ATP2C2: variants seen among roughly 807,000 people sequenced by gnomAD.
ATP2C2 encodes calcium-transporting ATPase type 2C member 2.
A neutral mutation model predicts 110.8 loss-of-function variants in ATP2C2; 171 were observed. The ratio of observed to expected loss-of-function variants is 1.54; its 90% CI spans 1.36 to 1.75. ATP2C2 has a LOEUF of 1.75. ATP2C2 is among the 40% of genes most tolerant of loss of function. The pLI is 0.00. For missense variants in ATP2C2, 1,963 were observed against 1,235.0 expected (o/e 1.59, Z -8.84); for synonymous variants, 804 against 508.4 (o/e 1.58, Z -7.82).
At chr16:84,448,923 C>G (rs892272508) in intron 17 of ATP2C2, among the ~76,000 whole-genome samples, 31 of 152,222 alleles carry the variant, frequency 2.0e-4, no homozygotes, top group African/African-American at 6.3e-4. Context: ...GGTACCCTCC[C>G]TTGCTGAGTT....
intron 11 of ATP2C2, among the ~76,000 whole-genome samples, chr16:84,438,715 T>C (rs1443882528): frequency 1.3e-5 from 2 of 152,056 alleles, no homozygotes; most frequent in Admixed American, 1.3e-4. Flanking sequence ...GGCTTCCTCA[T>C]AGGAAGTGTC....
intron 4 of ATP2C2, among the ~76,000 whole-genome samples, chr16:84,409,469 A>C (rs1229648737): frequency 2.0e-5 from 3 of 152,186 alleles, no homozygotes; most frequent in Non-Finnish European, 4.4e-5. Context: ...AAATGGATTC[A>C]GACAATACAT....
At chr16:84,446,667 C>T (rs247892) in intron 16 of ATP2C2, among the ~76,000 whole-genome samples, 108,780 of 152,084 alleles carry the variant, frequency 0.72, 39,501 homozygotes, top group East Asian at 0.92. Context: ...GCGGTTGTTA[C>T]CACGCGAGAC....
chr16:84,455,118 G>C (rs1048435605), intron 21 of ATP2C2, 134 bp downstream of exon 21: 9 of 1,201,280 alleles, frequency 7.5e-6, no homozygotes, highest in South Asian at 1.4e-5. Context: ...CTCGGGGCTC[G>C]TCAGTGTGGC....
chr16:84,386,265 G>A (rs1232470474), intron 1 of ATP2C2, among the ~76,000 whole-genome samples: 2 of 152,122 alleles, frequency 1.3e-5, no homozygotes, highest in East Asian at 3.9e-4. Context: ...GGGTGTAAGT[G>A]TGCATATGCT....
intron 1 of ATP2C2, among the ~76,000 whole-genome samples, chr16:84,394,330 A>G (rs1320896573): frequency 2.0e-5 from 3 of 152,244 alleles, no homozygotes; most frequent in African/African-American, 7.2e-5. Context: ...CATTTGAAAG[A>G]AACCCTGTAC....
At chr16:84,381,943 C>T (rs574702400) in intron 1 of ATP2C2, among the ~76,000 whole-genome samples, 2 of 152,310 alleles carry the variant, frequency 1.3e-5, no homozygotes, top group South Asian at 4.1e-4. Flanking sequence ...ATTCTAAGCT[C>T]GAGTCCCCTG....
chr16:84,431,248 C>T (rs1908251111), intron 11 of ATP2C2, among the ~76,000 whole-genome samples: 1 of 152,070 alleles, frequency 6.6e-6, no homozygotes, highest in Non-Finnish European at 1.5e-5. Context: ...CCTGTAATCA[C>T]AGCACTTTGG....
At chr16:84,463,152 CA>C (rs1054327691) in intron 26 of ATP2C2, among the ~76,000 whole-genome samples, 1 of 152,194 alleles carries the variant, frequency 6.6e-6, no homozygotes, top group African/African-American at 2.4e-5. Flanking sequence ...GATGGTTCCT[CA>C]AAACAGCATG....
chr16:84,451,067 C>T (rs1344009934), intron 17 of ATP2C2, among the ~76,000 whole-genome samples: 2 of 151,990 alleles, frequency 1.3e-5, no homozygotes, highest in African/African-American at 2.4e-5. Flanking sequence ...AGGTAATTTA[C>T]AAAGAAAAAG....
intron 3 of ATP2C2, among the ~76,000 whole-genome samples, chr16:84,406,082 C>T (rs1391562782): frequency 6.6e-6 from 1 of 152,190 alleles, no homozygotes; most frequent in Non-Finnish European, 1.5e-5. Flanking sequence ...AACCTGAGCC[C>T]AAAGTCACAT....
At chr16:84,410,970 G>A (rs1034952808) in intron 6 of ATP2C2, 14 of 599,592 alleles carry the variant, frequency 2.3e-5, no homozygotes, top group Non-Finnish European at 3.6e-5. Context: ...CTGGGCCTCA[G>A]CTCCATCATC....
chr16:84,371,300 T>G (rs1909940473), intron 1 of ATP2C2, among the ~76,000 whole-genome samples: 1 of 152,192 alleles, frequency 6.6e-6, no homozygotes, highest in South Asian at 2.1e-4. Flanking sequence ...GAGGGTCACT[T>G]GAACCCCAGA....
chr16:84,440,884 G>C lies in ATP2C2; in HGVS notation c.1237G>C (p.Gly413Arg). 1 of 1,613,570 alleles carries C rather than the reference G, an allele frequency of 6.2e-7. No homozygotes were observed. The highest frequency in any genetic ancestry group is 1.1e-5 in the South Asian group (1 of 90,688). The change falls in exon 14 of 27, where the codon GGG (glycine) becomes CGG (arginine). Residue 413 changes from glycine (G) to arginine (R), a missense_variant. By Grantham distance (125) the Gly-to-Arg change is moderately radical. Transcript: ENST00000262429. ...EVSGVGYDGQGTVCLLPSKEV... is the reference protein window; with the variant it reads ...EVSGVGYDGQRTVCLLPSKEV... The stretch of plus-strand genomic sequence containing the variant: ...CAGCGGAGTTGGGTATGACGGTCAA[G>C]GGACTGTGTGTCTTCTACCATCCAA...
chr16:84,411,493 G>T (rs529912508), intron 6 of ATP2C2, among the ~76,000 whole-genome samples: 1 of 152,182 alleles, frequency 6.6e-6, no homozygotes, highest in African/African-American at 2.4e-5. Context: ...CCAGGCTGGA[G>T]TGCAGTGGCA....
Position 84,462,029 on chromosome 16 carries a change from G to A in ATP2C2, c.2622G>A (p.Met874Ile), listed in dbSNP as rs200465429. Reference sequence around the variant, plus strand: ...AGATCGGCTTTCTCAGGAACCACATGTTCCTCTACTCCGTCCTGGGGTCCA... The same window carrying A: ...AGATCGGCTTTCTCAGGAACCACATATTCCTCTACTCCGTCCTGGGGTCCA... ...IFEIGFLRNHMFLYSVLGSIL... is the reference protein window; with the variant it reads ...IFEIGFLRNHIFLYSVLGSIL... The change falls in exon 26 of 27, where the codon ATG (methionine) becomes ATA (isoleucine). Residue 874 changes from methionine (M) to isoleucine (I), a missense_variant. By Grantham distance (10) the Met-to-Ile change is conservative. Transcript: ENST00000262429. 2.9e-4 allele frequency: 475 copies of A among 1,613,926 alleles called. No individual in the cohort carries two copies. Among genetic ancestry groups the A allele is most frequent in the Middle Eastern group, 4.9e-4 (3 of 6,082 alleles).
chr16:84,368,540 GA>G lies in ATP2C2; in HGVS notation c.-75del. The G allele has an allele frequency of 8.4e-7, 1 of 1,191,374 alleles. No individual in the cohort carries two copies. The highest frequency in any genetic ancestry group is 1.2e-6 in the Non-Finnish European group (1 of 844,006). The allele number at this position is 1,191,374 out of a possible 1,614,324, so 73.8% of individuals were successfully genotyped here. On this transcript the variant is annotated 5_prime_UTR_variant, in exon 1 of 27. Transcript: ENST00000262429. ...TACCTGGTAACCGGGTCCGGCCCAGGAGGCTTGGGCGCGCGCAGCCATCCCG... is the reference window on the plus strand; with the variant it reads ...TACCTGGTAACCGGGTCCGGCCCAGGGGCTTGGGCGCGCGCAGCCATCCCG...
chr16:84,383,990 T>C (rs1458761819), intron 1 of ATP2C2, among the ~76,000 whole-genome samples: 3 of 151,898 alleles, frequency 2.0e-5, no homozygotes, highest in Admixed American at 6.6e-5. Flanking sequence ...GGTTTCACGC[T>C]GTTGTCCAGG....
chr16:84,381,465 T>C (rs1910574598), intron 1 of ATP2C2, among the ~76,000 whole-genome samples: 1 of 151,984 alleles, frequency 6.6e-6, no homozygotes, highest in Non-Finnish European at 1.5e-5. Flanking sequence ...TAATCCCAGC[T>C]ACTCAGGAGG....
Sources: allele counts gnomAD v4.1 joint callset (sites outside exome capture counted in the v4.1 genomes callset), GRCh38; gene constraint gnomAD v4.1.1; transcripts MANE v1.5; gene names NCBI Gene and HGNC (gene_info 2026-07-23, HGNC 2026-07-21).